Variants in JAKMIP1 observed in about 807,000 individuals in gnomAD.
JAKMIP1 encodes the protein janus kinase and microtubule interacting protein 1, also known as janus kinase and microtubule-interacting protein 1.
Under a neutral mutation model 113.0 loss-of-function variants are expected in JAKMIP1, and 33 were observed. The observed-to-expected ratio is 0.29, with a 90% CI of 0.22 to 0.39. JAKMIP1 has a LOEUF of 0.39. Among genes scored for constraint, JAKMIP1 ranks in the 10% least tolerant of loss-of-function variants. The pLI, the probability that JAKMIP1 is intolerant of heterozygous loss-of-function variation, is 1.00. For synonymous variants in JAKMIP1, 480 were observed against 459.9 expected (o/e 1.04, Z -0.56); for missense variants, 813 against 1,080.5 (o/e 0.75, Z 3.47).
In JAKMIP1 at chr4:6,181,037, C is replaced by T. The variant is rs1195237349; in HGVS notation, c.-148+19216G>A. ...AATGAGTCAAGAGACTAGCAAGTAACCACACCACCAAGAACAAGAAGGGGT... is the reference window on the plus strand; with the variant it reads ...AATGAGTCAAGAGACTAGCAAGTAATCACACCACCAAGAACAAGAAGGGGT... On this transcript the variant is annotated intron_variant, in intron 1 of 20. Transcript: ENST00000409021. The surrounding 1 kb of genome is among the most constrained non-coding windows in gnomAD (Gnocchi z 5.4). Among the ~76,000 whole-genome samples, 1 of 151,974 alleles carries T rather than the reference C, an allele frequency of 6.6e-6. No homozygotes were observed. Among genetic ancestry groups the T allele is most frequent in the Non-Finnish European group, 1.5e-5 (1 of 68,000 alleles).
chr4:6,051,108 C>T lies in JAKMIP1; in HGVS notation c.1807-429G>A, dbSNP rs77729859. Among the ~76,000 whole-genome samples, 7,713 of 152,332 alleles carry T rather than the reference C, an allele frequency of 0.051. 270 individuals are homozygous for T. The highest frequency in any genetic ancestry group is 0.099 in the Middle Eastern group (29 of 294). On this transcript the variant is annotated intron_variant, in intron 13 of 20. Transcript: ENST00000409021. This position sits in a 1 kb window ranked among gnomAD's most constrained non-coding sequence, Gnocchi z 5.0. ...ACTACCCCAGGAGGCAGGCTCATTG[C>T]TTTCATTCTGTAGACAAAGAGAAGG...
intron 1 of JAKMIP1, among the ~76,000 whole-genome samples, chr4:6,161,188 TGATCTCCACTCATCTCCCC>T (rs1188822021): frequency 8.7e-5 from 12 of 137,772 alleles, no homozygotes; most frequent in African/African-American, 2.8e-4. Context: ...TCACCTCCCC[TGATCTCCACTCATCTCCCC>T]GATCTCCACT....
intron 1 of JAKMIP1, among the ~76,000 whole-genome samples, chr4:6,165,817 G>A (rs893133296): frequency 2.0e-5 from 3 of 152,124 alleles, no homozygotes; most frequent in African/African-American, 7.2e-5. Flanking sequence ...AAACTTGGTG[G>A]CTTAAAACAA....
rs10023938 is a variant in JAKMIP1 at position 6,064,034 on chromosome 4, T to C, written c.1431+846A>G. Among the ~76,000 whole-genome samples, 80,878 of 152,126 alleles carry C rather than the reference T, an allele frequency of 0.53. 24,657 individuals carry two copies. The highest frequency in any genetic ancestry group is 0.85 in the African/African-American group (35,121 of 41,546). ...ATCCGCACCCCCTTCCCACTCTTGC[T>C]CTTCCCTGGGCTCAGAAAAAGCCAC... is the stretch of plus-strand genomic sequence containing the variant. On this transcript the variant is annotated intron_variant, in intron 9 of 20. Transcript: ENST00000409021. The surrounding 1 kb of genome is among the most constrained non-coding windows in gnomAD (Gnocchi z 4.3).
chr4:6,126,765 G>GC (rs1404959237), intron 1 of JAKMIP1, among the ~76,000 whole-genome samples: 12 of 137,636 alleles, frequency 8.7e-5, no homozygotes, highest in East Asian at 4.4e-4. Context: ...CAACACATGC[G>GC]CCCCCCCACA....
rs1415197155 is a variant in JAKMIP1, at chr4:6,084,697, G to A, written c.954+149C>T. ...TAAGAGATTTCTTCAATGAGCATGT[G>A]TTAGATTTTTAATCGAAAAGAAGTA... On this transcript the variant is annotated intron_variant, in intron 5 of 20. Coordinates refer to ENST00000409021, the MANE Select transcript of JAKMIP1 (RefSeq NM_001099433.2). The A allele has an allele frequency of 7.3e-6, 6 of 818,482 alleles. No homozygotes were observed. The African/African-American group carries it at 1.1e-4, about 14-fold the overall frequency. 50.7% of individuals were successfully genotyped at this position (818,482 alleles called of 1,614,324 possible).
rs1024030104 is a variant in JAKMIP1 at position 6,158,588 on chromosome 4, A to G, written c.-148+41665T>C. 1.3e-5 allele frequency among the ~76,000 whole-genome samples: 2 copies of G among 151,680 alleles called. No homozygotes were observed. Among genetic ancestry groups the G allele is most frequent in the Non-Finnish European group, 2.9e-5 (2 of 67,894 alleles). ...TCCAGAGGGCCTGCGGGAGTGGTCA[A>G]CTCCATCCCATAGGGCCATTTCTCC... is the stretch of plus-strand genomic sequence containing the variant. On this transcript the variant is annotated intron_variant, in intron 1 of 20. Coordinates refer to ENST00000409021, the MANE Select transcript of JAKMIP1 (RefSeq NM_001099433.2). This position sits in a 1 kb window ranked among gnomAD's most constrained non-coding sequence, Gnocchi z 5.3.
rs1719679807 is a variant in JAKMIP1 at position 6,076,248 on chromosome 4, A to C, written c.1302+2691T>G. Among the ~76,000 whole-genome samples the C allele has an allele frequency of 6.6e-6, 1 of 152,198 alleles. No homozygotes were observed. The highest frequency in any genetic ancestry group is 2.1e-4 in the South Asian group (1 of 4,826). Reference sequence around the variant, plus strand: ...AATAAATATAGACAAGTTCTACTCAAACCACTTCCTATTTCTGAGTTTCTA... The same window carrying C: ...AATAAATATAGACAAGTTCTACTCACACCACTTCCTATTTCTGAGTTTCTA... On this transcript the variant is annotated intron_variant, in intron 8 of 20. Transcript: ENST00000409021. The surrounding 1 kb of genome is among the most constrained non-coding windows in gnomAD (Gnocchi z 4.8).
At chr4:6,159,042 T>C (rs567851879) in intron 1 of JAKMIP1, among the ~76,000 whole-genome samples, 3 of 150,924 alleles carry the variant, frequency 2.0e-5, no homozygotes, top group South Asian at 2.1e-4. Context: ...TCAGCCATGA[T>C]GGTGCCACTG....
chr4:6,112,970 T>A lies in JAKMIP1; in HGVS notation c.-120A>T. 1 of 1,371,688 alleles carries A rather than the reference T, an allele frequency of 7.3e-7. No homozygotes were observed. Among genetic ancestry groups the A allele is most frequent in the Non-Finnish European group, 9.6e-7 (1 of 1,039,938 alleles). 85.0% of individuals were successfully genotyped at this position (1,371,688 alleles called of 1,614,324 possible). ...CAGTCGCGCAGGACTCAGCTCGCCCTCCGAGGAAACCACCATCACTTGGGA... is the reference window on the plus strand; with the variant it reads ...CAGTCGCGCAGGACTCAGCTCGCCCACCGAGGAAACCACCATCACTTGGGA... On this transcript the variant is annotated 5_prime_UTR_variant, in exon 2 of 21. Coordinates refer to ENST00000409021, the MANE Select transcript of JAKMIP1 (RefSeq NM_001099433.2).
At position 6,181,295 on chromosome 4, in the gene JAKMIP1, G is replaced by A. The variant is rs1264518778; in HGVS notation, c.-148+18958C>T. Among the ~76,000 whole-genome samples, 1 of 152,128 alleles carries A rather than the reference G, an allele frequency of 6.6e-6. No homozygotes were observed. The highest frequency in any genetic ancestry group is 1.5e-5 in the Non-Finnish European group (1 of 68,036). ...CAGTTCCAGAAAGGGTGGAGGGGAG[G>A]GTCATGCTGAGAGAGGAAGAGACCA... On this transcript the variant is annotated intron_variant, in intron 1 of 20. Transcript: ENST00000409021. The surrounding 1 kb of genome is among the most constrained non-coding windows in gnomAD (Gnocchi z 5.4).
Position 6,140,248 on chromosome 4 carries a change from C to A in JAKMIP1, c.-147-27251G>T. Among the ~76,000 whole-genome samples, 1 of 150,610 alleles carries A rather than the reference C, an allele frequency of 6.6e-6. No individual in the cohort carries two copies. The highest frequency in any genetic ancestry group is 2.1e-4 in the South Asian group (1 of 4,734). On this transcript the variant is annotated intron_variant, in intron 1 of 20. Transcript: ENST00000409021. This position sits in a 1 kb window ranked among gnomAD's most constrained non-coding sequence, Gnocchi z 9.4. The stretch of plus-strand genomic sequence containing the variant: ...GGCTGCTCCCTATTTTTCTTTTTTC[C>A]TCTTTTTTTTTTTTTTTTCTGTGGG...
intron 18 of JAKMIP1, among the ~76,000 whole-genome samples, chr4:6,037,070 G>A (rs1452848745): frequency 6.8e-6 from 1 of 147,424 alleles, no homozygotes; most frequent in Non-Finnish European, 1.5e-5. Flanking sequence ...CACTGAGTCA[G>A]AGGTTAACCC....
chr4:6,175,912 C>T (rs1012831826), intron 1 of JAKMIP1, among the ~76,000 whole-genome samples: 5 of 152,222 alleles, frequency 3.3e-5, no homozygotes, highest in African/African-American at 1.2e-4. Context: ...CCTGGGGTTC[C>T]ATCTAGCAGA....
In JAKMIP1 at chr4:6,135,336, T is replaced by C. The variant is rs6446466; in HGVS notation, c.-147-22339A>G. On this transcript the variant is annotated intron_variant, in intron 1 of 20. Coordinates refer to ENST00000409021, the MANE Select transcript of JAKMIP1 (RefSeq NM_001099433.2). The surrounding 1 kb of genome is among the most constrained non-coding windows in gnomAD (Gnocchi z 4.9). ...ACAGACACATAGAAGGAAGACCATG[T>C]GAGGACATGGGGAGAAGACGGCCGT... Among the ~76,000 whole-genome samples the C allele has an allele frequency of 0.97, 148,239 of 152,250 alleles. 72,287 individuals are homozygous for C. Among genetic ancestry groups the C allele is most frequent in the Non-Finnish European group, 1 (68,013 of 68,038 alleles).
rs1322629168 is a variant in JAKMIP1, at chr4:6,040,917, A to G, written c.2098-201T>C. On this transcript the variant is annotated intron_variant, in intron 17 of 20. Transcript: ENST00000409021. This position sits in a 1 kb window ranked among gnomAD's most constrained non-coding sequence, Gnocchi z 5.8. ...GACCTGGGGCACCCTTGACAGCCACACCTGGATCCTTGGTGAAGACTATCC... is the reference window on the plus strand; with the variant it reads ...GACCTGGGGCACCCTTGACAGCCACGCCTGGATCCTTGGTGAAGACTATCC... Among the ~76,000 whole-genome samples, 1 of 152,104 alleles carries G rather than the reference A, an allele frequency of 6.6e-6. No homozygotes were observed. Among genetic ancestry groups the G allele is most frequent in the East Asian group, 1.9e-4 (1 of 5,170 alleles).
chr4:6,147,347 T>G (rs1720982138), intron 1 of JAKMIP1, among the ~76,000 whole-genome samples: 1 of 152,136 alleles, frequency 6.6e-6, no homozygotes, highest in South Asian at 2.1e-4. Flanking sequence ...CATCAGTAAG[T>G]AACAAGGAAA....
intron 1 of JAKMIP1, among the ~76,000 whole-genome samples, chr4:6,174,346 A>G (rs894875178): frequency 3.3e-5 from 5 of 152,242 alleles, no homozygotes; most frequent in African/African-American, 1.2e-4. Context: ...AATCGCCATC[A>G]CCAGGGCAAG....
intron 1 of JAKMIP1, among the ~76,000 whole-genome samples, chr4:6,196,961 G>A (rs1334090897): frequency 6.6e-6 from 1 of 151,994 alleles, no homozygotes; most frequent in Non-Finnish European, 1.5e-5. Context: ...AGTGTGCTCC[G>A]TGGGGCAACA....
Sources: allele counts gnomAD v4.1 joint callset (sites outside exome capture counted in the v4.1 genomes callset), GRCh38; gene constraint gnomAD v4.1.1; non-coding constraint Gnocchi (gnomAD v3.1); transcripts MANE v1.5; gene names NCBI Gene and HGNC (gene_info 2026-07-23, HGNC 2026-07-21).